The following HADHB variants were observed in gnomAD, a reference collection of about 807,000 sequenced individuals.
HADHB encodes hydroxyacyl-CoA dehydrogenase trifunctional multienzyme complex subunit beta.
In HADHB, 50 loss-of-function variants were observed where a neutral mutation model predicts 61.9. The observed-to-expected ratio is 0.81, with a 90% CI of 0.64 to 1.02. The LOEUF (loss-of-function observed/expected upper bound fraction) is 1.02, where lower values mean the gene tolerates loss of function less well. Among genes scored for constraint, HADHB ranks in the 50% least tolerant of loss-of-function variants. HADHB has a pLI of 0.00. For synonymous variants in HADHB, 191 were observed against 201.6 expected (o/e 0.95, Z 0.45); for missense variants, 504 against 586.5 (o/e 0.86, Z 1.45).
At chr2:26,271,491 G>A (rs1672346901) in intron 5 of HADHB, among the ~76,000 whole-genome samples, 1 of 151,934 alleles carries the variant, frequency 6.6e-6, no homozygotes, top group Non-Finnish European at 1.5e-5. Context: ...TGGGCAACAA[G>A]AGCAAAACTC....
chr2:26,254,689 G>T, intron 3 of HADHB: 1 of 515,498 alleles, frequency 1.9e-6, no homozygotes, highest in Non-Finnish European at 3.5e-6. Context: ...GTTAATGGGA[G>T]GCTGTTTTCT....
intron 3 of HADHB, among the ~76,000 whole-genome samples, chr2:26,255,653 A>AG (rs968104145): frequency 6.6e-6 from 1 of 152,200 alleles, no homozygotes; most frequent in African/African-American, 2.4e-5. Flanking sequence ...CATCTAAAAA[A>AG]GGAATATATA....
chr2:26,274,126 C>A (rs1343479368), intron 6 of HADHB, among the ~76,000 whole-genome samples: 1 of 152,214 alleles, frequency 6.6e-6, no homozygotes, highest in Non-Finnish European at 1.5e-5. Flanking sequence ...GAACTAATTT[C>A]ATAACTTGAC....
intron 3 of HADHB, chr2:26,260,594 C>G (rs6745912): frequency 0.015 from 2,788 of 184,552 alleles, 91 homozygotes; most frequent in African/African-American, 0.062. Context: ...TCTCTTGATT[C>G]TCCTACTACC....
chr2:26,246,943 GGTGT>G (rs902285474), intron 1 of HADHB, among the ~76,000 whole-genome samples: 1 of 152,122 alleles, frequency 6.6e-6, no homozygotes, highest in African/African-American at 2.4e-5. Flanking sequence ...TGTGCACGTG[GGTGT>G]GCGTGCGTGT....
chr2:26,263,335 A>G (rs1340218810), intron 3 of HADHB, 45 bp from the exon 4 acceptor site: 1 of 1,064,844 alleles, frequency 9.4e-7, no homozygotes. Context: ...ATCAGACTTT[A>G]TATATTTTAA....
chr2:26,285,052 CTCTTTCTTTTGAAGAATTTTG>C, intron 14 of HADHB, 95 bp downstream of exon 14: 1 of 753,050 alleles, frequency 1.3e-6, no homozygotes, highest in South Asian at 1.5e-5. Flanking sequence ...GGGAAAGCTT[CTCTTTCTTTTGAAGAATTTTG>C]TCTTTCATTA....
chr2:26,276,684 T>C (rs1672543851), intron 6 of HADHB, among the ~76,000 whole-genome samples: 1 of 152,222 alleles, frequency 6.6e-6, no homozygotes, highest in African/African-American at 2.4e-5. Context: ...CCCCATAATA[T>C]ATTTCATCAT....
At chr2:26,253,767 C>T (rs1022932750) in intron 1 of HADHB, among the ~76,000 whole-genome samples, 2 of 151,604 alleles carry the variant, frequency 1.3e-5, no homozygotes, top group Admixed American at 6.6e-5. Context: ...GCAGGAGAAT[C>T]GACTGAACCT....
intron 13 of HADHB, 73 bp downstream of exon 13, chr2:26,284,277 C>A: frequency 1.2e-6 from 1 of 858,448 alleles, no homozygotes. Flanking sequence ...TGGGAGAGAG[C>A]AAGGCATGGT....
chr2:26,283,741 C>T (rs996258729), intron 12 of HADHB, among the ~76,000 whole-genome samples: 3 of 152,150 alleles, frequency 2.0e-5, no homozygotes, highest in Admixed American at 6.6e-5. Context: ...ATAAAAGCCT[C>T]CCCATGTTTA....
Position 26,287,995 on chromosome 2 carries a change from G to A in HADHB, c.1390-1923G>A, listed in dbSNP as rs141032648. Reference sequence around the variant, plus strand: ...AATAAAGCCAGAGAGGGCTGGGTGCGGTAGCTTATGCCTGTGATCGCAGCA... The same window carrying A: ...AATAAAGCCAGAGAGGGCTGGGTGCAGTAGCTTATGCCTGTGATCGCAGCA... On this transcript the variant is annotated intron_variant, in intron 15 of 15. Coordinates refer to ENST00000317799, the MANE Select transcript of HADHB (RefSeq NM_000183.3). Among the ~76,000 whole-genome samples, 426 of 152,238 alleles carry A rather than the reference G, an allele frequency of 2.8e-3. 2 individuals carry two copies. The highest frequency in any genetic ancestry group is 9.9e-3 in the African/African-American group (410 of 41,548).
rs191013318 is a variant in HADHB at position 26,266,503 on chromosome 2, C to T, written c.209+3024C>T. Reference sequence around the variant, plus strand: ...GGTAGGGGCATTTGGGAAGCACTCCCGGGAATAGACTCTAGCAGTGGAATT... The same window carrying T: ...GGTAGGGGCATTTGGGAAGCACTCCTGGGAATAGACTCTAGCAGTGGAATT... On this transcript the variant is annotated intron_variant, in intron 4 of 15. Transcript: ENST00000317799. 2.0e-4 allele frequency among the ~76,000 whole-genome samples: 30 copies of T among 152,080 alleles called. No individual in the cohort carries two copies. The East Asian group carries it at 4.2e-3, about 22-fold the overall frequency.
intron 1 of HADHB, among the ~76,000 whole-genome samples, chr2:26,252,972 T>C (rs555299621): frequency 6.6e-6 from 1 of 152,370 alleles, no homozygotes; most frequent in Admixed American, 6.5e-5. Context: ...ACACAGAGTA[T>C]ATATCAAACC....
intron 3 of HADHB, among the ~76,000 whole-genome samples, chr2:26,259,565 C>T (rs193295077): frequency 5.9e-5 from 9 of 152,284 alleles, no homozygotes; most frequent in Admixed American, 2.0e-4. Context: ...GCTATTCTCC[C>T]CCAGGGCTCT....
rs1011444793 is a variant in HADHB at position 26,278,557 on chromosome 2, G to A, written c.443-57G>A. On this transcript the variant is annotated intron_variant, in intron 7 of 15. Transcript: ENST00000317799. ...CTTTTTAATCAAGAAGCTTAAATTG[G>A]AATGGTATGTTATTTTCTGTAAAAG... The A allele has an allele frequency of 1.0e-5, 14 of 1,375,250 alleles. No homozygotes were observed. The African/African-American group carries it at 1.8e-4, about 18-fold the overall frequency. The allele number at this position is 1,375,250 out of a possible 1,614,324, so 85.2% of individuals were successfully genotyped here.
rs58410284 is a variant in HADHB at position 26,265,597 on chromosome 2, A to AAACAACAACAACAAC, written c.209+2130_209+2144dup. Among the ~76,000 whole-genome samples, 652 of 151,732 alleles carry AAACAACAACAACAAC rather than the reference A, an allele frequency of 4.3e-3. 6 individuals are homozygous for AAACAACAACAACAAC. Among genetic ancestry groups the AAACAACAACAACAAC allele is most frequent in the Non-Finnish European group, 7.5e-3 (506 of 67,882 alleles). Reference sequence around the variant, plus strand: ...GGTGACAGAGCAAAACTCCATCTCAAAACAACAACAACAACAACAACAACA... The same window carrying AAACAACAACAACAAC: ...GGTGACAGAGCAAAACTCCATCTCAAAACAACAACAACAACAACAACAACAACAACAACAACAACA... On this transcript the variant is annotated intron_variant, in intron 4 of 15. Coordinates refer to ENST00000317799, the MANE Select transcript of HADHB (RefSeq NM_000183.3).
chr2:26,263,309 A>AG (rs1215336780), intron 3 of HADHB, 71 bp from the exon 4 acceptor site: 1 of 1,005,362 alleles, frequency 9.9e-7, no homozygotes, highest in East Asian at 2.6e-5. Flanking sequence ...AAAAAAAAAA[A>AG]AAAAAAGTAA....
chr2:26,279,730 C>T (rs879567514), intron 9 of HADHB, among the ~76,000 whole-genome samples: 35 of 151,772 alleles, frequency 2.3e-4, no homozygotes, highest in Non-Finnish European at 4.1e-4. Flanking sequence ...CGTCTGACTT[C>T]TGTATAGAAT....
Sources: allele counts gnomAD v4.1 joint callset (sites outside exome capture counted in the v4.1 genomes callset), GRCh38; gene constraint gnomAD v4.1.1; transcripts MANE v1.5; gene names NCBI Gene and HGNC (gene_info 2026-07-23, HGNC 2026-07-21).